HPSE2: variants seen among roughly 807,000 people sequenced by gnomAD.
HPSE2 encodes the protein heparanase 2 (inactive), also known as inactive heparanase-2.
In HPSE2, 38 loss-of-function variants were observed where a neutral mutation model predicts 60.5. The observed-to-expected ratio is 0.63, with a 90% CI of 0.48 to 0.82. The LOEUF (loss-of-function observed/expected upper bound fraction) is 0.82, where lower values mean the gene tolerates loss of function less well. HPSE2 is among the 40% of genes least tolerant of loss of function. The probability of loss-of-function intolerance (pLI) is 0.00; values close to 1 mark genes in which losing one functional copy is unlikely to be tolerated. For synonymous variants in HPSE2, 295 were observed against 293.2 expected, an observed-to-expected ratio of 1.01 and a Z score of -0.06; for missense variants, 713 against 740.4, an observed-to-expected ratio of 0.96 and a Z score of 0.43.
intron 3 of HPSE2, among the ~76,000 whole-genome samples, chr10:98,842,028 G>A (rs1378301540): frequency 3.9e-5 from 6 of 152,016 alleles, no homozygotes; most frequent in South Asian, 2.1e-4. Context: ...GGATGGTCTC[G>A]ATCTCCTGAC....
intron 9 of HPSE2, among the ~76,000 whole-genome samples, chr10:98,577,012 G>A (rs4919245): frequency 0.86 from 130,683 of 151,902 alleles, 56,460 homozygotes; most frequent in East Asian, 0.96. Flanking sequence ...AAACCCCTAC[G>A]TTCTATTCTC....
intron 2 of HPSE2, among the ~76,000 whole-genome samples, chr10:99,191,867 A>G (rs1057496755): frequency 5.9e-5 from 9 of 152,326 alleles, no homozygotes; most frequent in Middle Eastern, 3.4e-3. Context: ...AGGAAACTCC[A>G]AGAAATTCAA....
At chr10:99,104,824 A>G (rs1171626579) in intron 3 of HPSE2, among the ~76,000 whole-genome samples, 1 of 152,076 alleles carries the variant, frequency 6.6e-6, no homozygotes, top group Non-Finnish European at 1.5e-5. Flanking sequence ...AAAAAACCAA[A>G]CACCACATGT....
intron 9 of HPSE2, among the ~76,000 whole-genome samples, chr10:98,583,022 C>A (rs1003429131): frequency 6.6e-6 from 1 of 152,100 alleles, no homozygotes; most frequent in African/African-American, 2.4e-5. Context: ...ACCCAACCAA[C>A]GAAGACTAGG....
At chr10:99,262,131 G>A in the HPSE2 span, among the ~76,000 whole-genome samples, 1 of 152,128 alleles carries the variant, frequency 6.6e-6, no homozygotes, top group African/African-American at 2.4e-5. Context: ...CTCTTATAGT[G>A]GAGGGTAAGC....
chr10:98,523,394 T>G (rs4919233), intron 9 of HPSE2, among the ~76,000 whole-genome samples: 51,693 of 152,022 alleles, frequency 0.34, 8,928 homozygotes, highest in East Asian at 0.42. Context: ...TGAGAAAGTT[T>G]GAAAGAACAG....
intron 2 of HPSE2, among the ~76,000 whole-genome samples, chr10:99,148,399 T>C (rs898485510): frequency 6.6e-6 from 1 of 152,218 alleles, no homozygotes; most frequent in Admixed American, 6.5e-5. Flanking sequence ...CTTGTGGTAT[T>C]ACATATTTCC....
At chr10:98,588,676 C>G (rs915912856) in intron 9 of HPSE2, among the ~76,000 whole-genome samples, 4 of 151,898 alleles carry the variant, frequency 2.6e-5, no homozygotes, top group African/African-American at 7.3e-5. Context: ...CAGCAGGCAC[C>G]GAGACAAAGC....
At chr10:99,197,086 T>C (rs1012385265) in intron 2 of HPSE2, among the ~76,000 whole-genome samples, 2 of 152,122 alleles carry the variant, frequency 1.3e-5, no homozygotes, top group African/African-American at 2.4e-5. Flanking sequence ...TGGATGGAAA[T>C]AGAAATCATT....
At chr10:98,760,074 C>T (rs184128012) in intron 3 of HPSE2, among the ~76,000 whole-genome samples, 1 of 151,904 alleles carries the variant, frequency 6.6e-6, no homozygotes, top group Non-Finnish European at 1.5e-5. Flanking sequence ...ATATCATTTT[C>T]AGATAGCTTG....
intron 3 of HPSE2, among the ~76,000 whole-genome samples, chr10:99,056,041 A>G (rs920453163): frequency 2.0e-5 from 3 of 152,118 alleles, no homozygotes; most frequent in African/African-American, 7.2e-5. Context: ...TAAAGAATTA[A>G]TAAAACTAAT....
At position 98,865,052 on chromosome 10, in the gene HPSE2, C is replaced by T. The variant is rs149207679; in HGVS notation, c.611-120996G>A. Among the ~76,000 whole-genome samples, 58 of 152,110 alleles carry T rather than the reference C, an allele frequency of 3.8e-4. 1 individual carries two copies. The East Asian group carries it at 8.7e-3, about 23-fold the overall frequency. The stretch of plus-strand genomic sequence containing the variant: ...TTTTTATCAATGTTGTCACAAGAGA[C>T]AGATGCATAAAATGTTGGCATTAAA... On this transcript the variant is annotated intron_variant, in intron 3 of 11. Transcript: ENST00000370552.
chr10:98,960,701 C>CTTTTTTTTTTTTTTTTT, intron 3 of HPSE2, among the ~76,000 whole-genome samples: 82 of 57,492 alleles, frequency 1.4e-3, no homozygotes, highest in Non-Finnish European at 1.6e-3. Context: ...ATGTACATTT[C>CTTTTTTTTTTTTTTTTT]TTTTTTTTTT....
At chr10:99,237,257 A>G (rs968727299), upstream of HPSE2, among the ~76,000 whole-genome samples, 5 of 152,222 alleles carry the variant, frequency 3.3e-5, no homozygotes, top group Non-Finnish European at 1.5e-5. Context: ...TAGTGCGGGC[A>G]GTCAGAAACG....
chr10:98,637,602 C>T (rs376824196), intron 7 of HPSE2, among the ~76,000 whole-genome samples: 2 of 152,072 alleles, frequency 1.3e-5, no homozygotes, highest in South Asian at 2.1e-4. Context: ...TGGCCCAAAG[C>T]CACACAGCTA....
At chr10:98,600,917 A>ATGTGTGTGTGTATG (rs10682909) in intron 9 of HPSE2, among the ~76,000 whole-genome samples, 1 of 47,998 alleles carries the variant, frequency 2.1e-5, no homozygotes. Flanking sequence ...GTGTGTATAT[A>ATGTGTGTGTGTATG]TATATATATA....
intron 3 of HPSE2, among the ~76,000 whole-genome samples, chr10:98,929,863 T>C (rs1954593119): frequency 7.0e-6 from 1 of 143,814 alleles, no homozygotes; most frequent in Non-Finnish European, 1.5e-5. Flanking sequence ...TTTTTAAACA[T>C]TAAAATTTCA....
At chr10:98,697,922 T>C (rs1425123965) in intron 5 of HPSE2, among the ~76,000 whole-genome samples, 1 of 151,254 alleles carries the variant, frequency 6.6e-6, no homozygotes, top group Non-Finnish European at 1.5e-5. Flanking sequence ...AAGGGATCAA[T>C]TCAACAAGAA....
At position 98,714,338 on chromosome 10, in the gene HPSE2, C is replaced by CCCTGTAT. The variant is rs372755454; in HGVS notation, c.956+7312_956+7318dup. 6.8e-3 allele frequency among the ~76,000 whole-genome samples: 1,027 copies of CCCTGTAT among 151,906 alleles called. 8 individuals are homozygous for CCCTGTAT. Among genetic ancestry groups the CCCTGTAT allele is most frequent in the South Asian group, 0.027 (128 of 4,816 alleles). On this transcript the variant is annotated intron_variant, in intron 5 of 11. Transcript: ENST00000370552. Reference sequence around the variant, plus strand: ...AATATTTCATCATTCCAAAAAGAAACCCTGTATCCATTACAGACACTCTTC... The same window carrying CCCTGTAT: ...AATATTTCATCATTCCAAAAAGAAACCCTGTATCCTGTATCCATTACAGACACTCTTC...
Sources: allele counts gnomAD v4.1 joint callset (sites outside exome capture counted in the v4.1 genomes callset), GRCh38; gene constraint gnomAD v4.1.1; transcripts MANE v1.5; gene names NCBI Gene and HGNC (gene_info 2026-07-23, HGNC 2026-07-21).